Variants in STYX observed in about 807,000 individuals in gnomAD.
STYX encodes the protein serine/threonine/tyrosine interacting protein, also known as serine/threonine/tyrosine-interacting protein.
STYX carries 20 observed loss-of-function variants against 42.7 expected under a neutral mutation model. That is an observed-to-expected ratio of 0.47 (90% CI 0.33 to 0.68). The LOEUF (loss-of-function observed/expected upper bound fraction) is 0.68, where lower values mean the gene tolerates loss of function less well. Ranked by LOEUF, STYX falls within the 30% of genes least tolerant of loss-of-function variation. The pLI is 0.02. For missense variants in STYX, 226 were observed against 268.5 expected, an observed-to-expected ratio of 0.84 and a Z score of 1.11; for synonymous variants, 78 against 81.9, an observed-to-expected ratio of 0.95 and a Z score of 0.26.
chr14:52,734,213 T>C (rs954923242), intron 1 of STYX, among the ~76,000 whole-genome samples: 4 of 152,226 alleles, frequency 2.6e-5, no homozygotes, highest in African/African-American at 9.6e-5. Flanking sequence ...TCTGGTCCTT[T>C]TGTTACTTAG....
At chr14:52,762,882 C>CTTTTTTTTTTTTTT (rs869029320) in intron 9 of STYX, among the ~76,000 whole-genome samples, 1 of 26,840 alleles carries the variant, frequency 3.7e-5, no homozygotes, top group African/African-American at 1.5e-4. Flanking sequence ...TTCTTTCTTT[C>CTTTTTTTTTTTTTT]TTTTTTTTTT....
At chr14:52,770,889 A>G in intron 10 of STYX, 144 bp from the exon 11 acceptor site, 1 of 519,648 alleles carries the variant, frequency 1.9e-6, no homozygotes, top group Admixed American at 3.6e-5. Context: ...ATTTATCACA[A>G]AGGAATTTAC....
chr14:52,767,054 A>G (rs1471800721), intron 9 of STYX, among the ~76,000 whole-genome samples: 2 of 152,202 alleles, frequency 1.3e-5, no homozygotes, highest in Non-Finnish European at 2.9e-5. Context: ...AATGAATCCA[A>G]GAAAAATAAG....
At chr14:52,765,135 C>T (rs1882251880) in intron 9 of STYX, among the ~76,000 whole-genome samples, 2 of 152,198 alleles carry the variant, frequency 1.3e-5, no homozygotes, top group South Asian at 4.1e-4. Context: ...ATTTGAATGA[C>T]AGTGGCTAGA....
chr14:52,760,218 C>CT (rs994908532), intron 9 of STYX, among the ~76,000 whole-genome samples: 4 of 151,256 alleles, frequency 2.6e-5, no homozygotes, highest in Admixed American at 2.6e-4. Flanking sequence ...ATTAAAAAAA[C>CT]TTTTTTTTCT....
chr14:52,772,299 G>A lies in STYX; in HGVS notation c.*1193G>A, dbSNP rs1882539889. On this transcript the variant is annotated 3_prime_UTR_variant, in exon 11 of 11. Transcript: ENST00000354586. ...GCTCAAACAGAAGCTTTTCTTTGGG[G>A]AAGGTGATTTGTGGGAGACTAGTGT... The A allele has an allele frequency of 1.2e-5, 1 of 80,530 alleles. No individual in the cohort carries two copies. The highest frequency in any genetic ancestry group is 4.8e-5 in the African/African-American group (1 of 20,718). 5.0% of individuals were successfully genotyped at this position (80,530 alleles called of 1,614,324 possible). A position where few individuals can be genotyped will look rare whatever the true frequency, so the allele number is the denominator to read the frequency against.
intron 9 of STYX, among the ~76,000 whole-genome samples, chr14:52,760,901 G>C (rs1309377655): frequency 6.6e-6 from 1 of 151,988 alleles, no homozygotes; most frequent in Non-Finnish European, 1.5e-5. Flanking sequence ...TGGAAAAATA[G>C]AGTATCCATC....
chr14:52,762,230 C>T (rs1475669339), intron 9 of STYX, among the ~76,000 whole-genome samples: 2 of 151,974 alleles, frequency 1.3e-5, no homozygotes, highest in East Asian at 1.9e-4. Context: ...TTCCTCTCAC[C>T]GGTTTGTAAG....
chr14:52,759,357 C>T (rs1882001408), intron 8 of STYX, among the ~76,000 whole-genome samples: 1 of 152,138 alleles, frequency 6.6e-6, no homozygotes, highest in Non-Finnish European at 1.5e-5. Flanking sequence ...TGGCTTCAAG[C>T]AGTCCTCCTG....
chr14:52,742,127 C>T (rs1218024308), intron 1 of STYX, among the ~76,000 whole-genome samples: 1 of 152,154 alleles, frequency 6.6e-6, no homozygotes, highest in East Asian at 1.9e-4. Flanking sequence ...AATTCTAACC[C>T]CAAACTTGAG....
chr14:52,734,187 T>G (rs1198017373), intron 1 of STYX, among the ~76,000 whole-genome samples: 1 of 152,206 alleles, frequency 6.6e-6, no homozygotes, highest in African/African-American at 2.4e-5. Context: ...GTAGGTGGTT[T>G]GCAACGGGAG....
intron 6 of STYX, 123 bp from the exon 7 acceptor site, chr14:52,757,620 G>A (rs1881925363): frequency 1.1e-6 from 1 of 918,054 alleles, no homozygotes; most frequent in African/African-American, 1.7e-5. Flanking sequence ...ATAACAAATT[G>A]TAAAGATTTG....
In STYX at chr14:52,771,172, T is replaced by C. The variant is rs1053022579; in HGVS notation, c.*66T>C. 4 of 1,423,880 alleles carry C rather than the reference T, an allele frequency of 2.8e-6. No individual in the cohort carries two copies. The highest frequency in any genetic ancestry group is 3.9e-6 in the Non-Finnish European group (4 of 1,034,848). 88.2% of individuals were successfully genotyped at this position (1,423,880 alleles called of 1,614,324 possible). A position where few individuals can be genotyped will look rare whatever the true frequency, so the allele number is the denominator to read the frequency against. ...AAGGAGAAAATACAAGAGAAAATTA[T>C]AATGTAAAATGGTAAAAACATAAGT... On this transcript the variant is annotated 3_prime_UTR_variant, in exon 11 of 11. Coordinates refer to ENST00000354586, the MANE Select transcript of STYX (RefSeq NM_145251.4).
chr14:52,766,325 C>A (rs1882300488), intron 9 of STYX, among the ~76,000 whole-genome samples: 1 of 152,116 alleles, frequency 6.6e-6, no homozygotes, highest in Non-Finnish European at 1.5e-5. Flanking sequence ...TGCCACCAAA[C>A]TCAGCTAATT....
chr14:52,744,049 C>G lies in STYX; in HGVS notation c.58-803C>G, dbSNP rs987273653. 8.5e-5 allele frequency among the ~76,000 whole-genome samples: 13 copies of G among 152,220 alleles called. No individual in the cohort carries two copies. The East Asian group carries it at 9.6e-4, about 11-fold the overall frequency. ...CTGTTTCCCAGGCTGGTCTCAAACT[C>G]CTGAGCTCAAGCAATCTGCCTGCCT... On this transcript the variant is annotated intron_variant, in intron 1 of 10. Transcript: ENST00000354586.
intron 9 of STYX, among the ~76,000 whole-genome samples, chr14:52,761,871 C>G (rs1180941722): frequency 6.9e-6 from 1 of 145,126 alleles, no homozygotes; most frequent in Non-Finnish European, 1.5e-5. Context: ...ATCGTGAAAC[C>G]CTGTCTCTAC....
In STYX at chr14:52,750,689, G is replaced by A. The variant is rs752928342; in HGVS notation, c.151G>A (p.Val51Ile). 9 of 1,557,564 alleles carry A rather than the reference G, an allele frequency of 5.8e-6. No individual in the cohort carries two copies. In the South Asian group the frequency reaches 7.4e-5, roughly 13 times the overall value. Residue 51 changes from valine to isoleucine, a missense_variant, in exon 4 of 11, where the codon GTA becomes ATA. Physicochemically the swap from Val to Ile is conservative, Grantham distance 29 (BLOSUM62 3). Coordinates refer to ENST00000354586, the MANE Select transcript of STYX (RefSeq NM_145251.4). ...TGCTTTTTTTTTTATACAGCTACCT[G>A]TACTACAGAAACATGGAATAACCCA... ...YSSAMKSKLP[V>I]LQKHGITHII...
At chr14:52,731,343 A>AG (rs1880692105) in intron 1 of STYX, among the ~76,000 whole-genome samples, 1 of 152,096 alleles carries the variant, frequency 6.6e-6, no homozygotes, top group South Asian at 2.1e-4. Context: ...ATACCTTTAA[A>AG]GTAGTTGGGA....
intron 1 of STYX, among the ~76,000 whole-genome samples, chr14:52,731,143 A>G (rs917386992): frequency 2.0e-5 from 3 of 152,052 alleles, no homozygotes; most frequent in African/African-American, 7.2e-5. Context: ...ATTTGTGGCT[A>G]TTTTTACTCC....
Sources: allele counts gnomAD v4.1 joint callset (sites outside exome capture counted in the v4.1 genomes callset), GRCh38; gene constraint gnomAD v4.1.1; transcripts MANE v1.5; gene names NCBI Gene and HGNC (gene_info 2026-07-23, HGNC 2026-07-21).